The following WAPL variants were observed in gnomAD, a reference collection of about 807,000 sequenced individuals.
The protein encoded by WAPL is WAPL cohesin release factor.
WAPL carries 5 observed loss-of-function variants against 121.0 expected under a neutral mutation model. The observed-to-expected ratio is 0.04, with a 90% confidence interval of 0.02 to 0.09. The LOEUF (loss-of-function observed/expected upper bound fraction) is 0.09, where lower values mean the gene tolerates loss of function less well. Ranked by LOEUF, WAPL falls within the 10% of genes least tolerant of loss-of-function variation. The probability of loss-of-function intolerance (pLI) is 1.00; values close to 1 mark genes in which losing one functional copy is unlikely to be tolerated. For synonymous variants in WAPL, 480 were observed against 481.5 expected (o/e 1.00, Z 0.04); for missense variants, 999 against 1,410.8 (o/e 0.71, Z 4.68).
intron 12 of WAPL, among the ~76,000 whole-genome samples, chr10:86,457,885 T>G (rs1271821356): frequency 6.6e-6 from 1 of 152,200 alleles, no homozygotes. Flanking sequence ...CTAGGCATTA[T>G]GTACTTAAGT....
intron 4 of WAPL, among the ~76,000 whole-genome samples, chr10:86,481,154 TAAA>T (rs1841774444): frequency 3.3e-5 from 5 of 151,910 alleles, no homozygotes. Context: ...CATACAACGT[TAAA>T]AAGAAACAAT....
intron 4 of WAPL, among the ~76,000 whole-genome samples, chr10:86,490,530 G>T (rs1842024233): frequency 6.6e-6 from 1 of 151,842 alleles, no homozygotes; most frequent in Non-Finnish European, 1.5e-5. Context: ...AACACAAATA[G>T]GTACAAATGA....
At chr10:86,470,035 T>A (rs1168546094) in intron 8 of WAPL, among the ~76,000 whole-genome samples, 1 of 151,790 alleles carries the variant, frequency 6.6e-6, no homozygotes, top group East Asian at 1.9e-4. Flanking sequence ...ACAAACTAAC[T>A]TCTTTTTTTT....
At chr10:86,507,391 T>C (rs1046514776) in intron 2 of WAPL, among the ~76,000 whole-genome samples, 11 of 110,308 alleles carry the variant, frequency 1.0e-4, no homozygotes, top group African/African-American at 3.7e-4. Flanking sequence ...AAAAAAAAAT[T>C]AAAGCCCCTT....
At chr10:86,477,818 G>C (rs545661693) in intron 4 of WAPL, among the ~76,000 whole-genome samples, 4 of 151,820 alleles carry the variant, frequency 2.6e-5, no homozygotes, top group Non-Finnish European at 5.9e-5. Flanking sequence ...AGTGGCTCAC[G>C]CCTGTAATCC....
chr10:86,503,375 G>T (rs1056660258), intron 2 of WAPL, among the ~76,000 whole-genome samples: 2 of 152,302 alleles, frequency 1.3e-5, no homozygotes, highest in African/African-American at 4.8e-5. Context: ...GAGGCAACTA[G>T]AAAGGTTTAA....
chr10:86,500,147 A>G lies in WAPL; in HGVS notation c.1096T>C (p.Leu366=). The G allele has an allele frequency of 6.2e-7, 1 of 1,614,200 alleles. No homozygotes were observed. The highest frequency in any genetic ancestry group is 8.5e-7 in the Non-Finnish European group (1 of 1,180,040). Residue 366 remains leucine (L), a synonymous_variant, in exon 3 of 19, where the codon TTG becomes CTG. Transcript: ENST00000298767. ...RDYTVLHPSC[L]SVCNVTIQDT... is the part of the protein sequence containing the mutation. ...TGTATGGTAACATTACAAACTGACA[A>G]GCAAGATGGATGTAAAACAGTGTAA...
intron 14 of WAPL, 82 bp from the exon 15 acceptor site, chr10:86,452,213 A>C: frequency 7.3e-7 from 1 of 1,372,462 alleles, no homozygotes; most frequent in Non-Finnish European, 9.9e-7. Flanking sequence ...TTTTAATGGC[A>C]ACTAAAAAGC....
chr10:86,453,786 A>G lies in WAPL; in HGVS notation c.2703T>C (p.Ala901=), dbSNP rs944536029. 6 of 1,613,710 alleles carry G rather than the reference A, an allele frequency of 3.7e-6. No individual in the cohort carries two copies. The highest frequency in any genetic ancestry group is 2.2e-5 in the East Asian group (1 of 44,870). The change falls in exon 13 of 19, where the codon GCT becomes GCC. Residue 901 remains alanine, a synonymous_variant. Transcript: ENST00000298767. ...TGTCAGCTAAGCATATGCTGTCCTC[A>G]GCACGGTTGTACTGCTGAATCAGTT... is the stretch of plus-strand genomic sequence containing the variant. The part of the protein sequence containing the change: ...CEELIQQYNR[A]EDSICLADSK...
chr10:86,456,968 T>C (rs1196673019), intron 12 of WAPL, among the ~76,000 whole-genome samples: 1 of 152,210 alleles, frequency 6.6e-6, no homozygotes, highest in Non-Finnish European at 1.5e-5. Flanking sequence ...TTGGCCTGAA[T>C]TTCCTAATCA....
At chr10:86,490,826 G>C (rs1015973665) in intron 4 of WAPL, among the ~76,000 whole-genome samples, 1 of 152,028 alleles carries the variant, frequency 6.6e-6, no homozygotes, top group African/African-American at 2.4e-5. Context: ...ACTTTGGGAG[G>C]CCGAGGCAGG....
At chr10:86,492,391 A>AT (rs1842067970) in intron 4 of WAPL, among the ~76,000 whole-genome samples, 1 of 152,198 alleles carries the variant, frequency 6.6e-6, no homozygotes, top group Admixed American at 6.5e-5. Context: ...ATAATGGGGA[A>AT]CAGGGCATGC....
At chr10:86,510,683 G>T (rs1458005789) in intron 2 of WAPL, among the ~76,000 whole-genome samples, 3 of 152,046 alleles carry the variant, frequency 2.0e-5, no homozygotes, top group African/African-American at 7.2e-5. Flanking sequence ...AGAACAAAAT[G>T]AATTTACTTA....
At chr10:86,478,426 T>C (rs1401956583) in intron 4 of WAPL, among the ~76,000 whole-genome samples, 2 of 151,756 alleles carry the variant, frequency 1.3e-5, no homozygotes, top group Non-Finnish European at 2.9e-5. Context: ...AGCGAGATCC[T>C]GTCTCCAAAA....
At chr10:86,506,527 C>A (rs1842352040) in intron 2 of WAPL, among the ~76,000 whole-genome samples, 1 of 152,168 alleles carries the variant, frequency 6.6e-6, no homozygotes, top group Non-Finnish European at 1.5e-5. Flanking sequence ...GTAATCCCAG[C>A]ACTTGGGGTG....
intron 4 of WAPL, among the ~76,000 whole-genome samples, chr10:86,482,879 A>C (rs889235473): frequency 9.9e-5 from 15 of 152,208 alleles, no homozygotes; most frequent in Non-Finnish European, 2.1e-4. Flanking sequence ...TTATAAAATG[A>C]TTAGCTTCTG....
In WAPL at chr10:86,521,648, C is replaced by G. The variant is rs556916591; in HGVS notation, c.-306G>C. The G allele has an allele frequency of 4.3e-6, 2 of 461,914 alleles. No individual in the cohort carries two copies. The highest frequency in any genetic ancestry group is 8.9e-6 in the Non-Finnish European group (2 of 223,904). The allele number at this position is 461,914 out of a possible 1,614,324, so 28.6% of individuals were successfully genotyped here. A position where few individuals can be genotyped will look rare whatever the true frequency, so the allele number is the denominator to read the frequency against. On this transcript the variant is annotated 5_prime_UTR_variant, in exon 1 of 19. Coordinates refer to ENST00000298767, the MANE Select transcript of WAPL (RefSeq NM_015045.5). ...TGGTAACAGAGCCTGCTGTGTGCCCCCGCTGGGCCGCCGCCGCCTCCTGCG... is the reference window on the plus strand; with the variant it reads ...TGGTAACAGAGCCTGCTGTGTGCCCGCGCTGGGCCGCCGCCGCCTCCTGCG...
At chr10:86,518,517 G>A (rs1467239365) in intron 1 of WAPL, among the ~76,000 whole-genome samples, 1 of 152,216 alleles carries the variant, frequency 6.6e-6, no homozygotes, top group Non-Finnish European at 1.5e-5. Flanking sequence ...AGACCAGCCT[G>A]CCCAACACGG....
intron 17 of WAPL, among the ~76,000 whole-genome samples, chr10:86,439,342 AG>A (rs1849405394): frequency 6.6e-6 from 1 of 152,230 alleles, no homozygotes; most frequent in South Asian, 2.1e-4. Context: ...AAGCTATCAC[AG>A]TGGTGGGCAA....
Sources: allele counts gnomAD v4.1 joint callset (sites outside exome capture counted in the v4.1 genomes callset), GRCh38; gene constraint gnomAD v4.1.1; transcripts MANE v1.5; gene names NCBI Gene and HGNC (gene_info 2026-07-23, HGNC 2026-07-21).